Variants in SPAG16 observed in about 807,000 individuals in gnomAD.
SPAG16 encodes sperm associated antigen 16.
In SPAG16, 86 loss-of-function variants were observed where a neutral mutation model predicts 80.4. The ratio of observed to expected loss-of-function variants is 1.07; its 90% CI spans 0.90 to 1.28. SPAG16 has a LOEUF of 1.28. SPAG16 is among the 50% of genes most tolerant of loss of function. The probability of loss-of-function intolerance (pLI) is 0.00; values close to 1 mark genes in which losing one functional copy is unlikely to be tolerated. For missense variants in SPAG16, 870 were observed against 765.3 expected, an observed-to-expected ratio of 1.14 and a Z score of -1.61; for synonymous variants, 294 against 265.9, an observed-to-expected ratio of 1.11 and a Z score of -1.03.
intron 7 of SPAG16, among the ~76,000 whole-genome samples, chr2:213,361,164 A>G (rs1442938392): frequency 6.6e-6 from 1 of 152,104 alleles, no homozygotes. Context: ...CAGTGAATCA[A>G]CATTTATTTA....
chr2:214,327,537 T>C (rs1368172211), intron 15 of SPAG16, among the ~76,000 whole-genome samples: 1 of 152,242 alleles, frequency 6.6e-6, no homozygotes, highest in East Asian at 1.9e-4. Flanking sequence ...GTTGAGTGTA[T>C]TTATTCAAAC....
intron 15 of SPAG16, among the ~76,000 whole-genome samples, chr2:214,287,048 T>C (rs1693418655): frequency 1.3e-5 from 2 of 152,220 alleles, no homozygotes; most frequent in Admixed American, 1.3e-4. Context: ...TATTTACATA[T>C]TTATTTTGGT....
At chr2:214,176,098 A>G (rs2057069514) in intron 15 of SPAG16, among the ~76,000 whole-genome samples, 1 of 151,458 alleles carries the variant, frequency 6.6e-6, no homozygotes, top group South Asian at 2.1e-4. Flanking sequence ...TTCATCTTTT[A>G]ATGTATGGAT....
At chr2:214,172,463 G>A (rs983570121) in intron 15 of SPAG16, among the ~76,000 whole-genome samples, 8 of 152,202 alleles carry the variant, frequency 5.3e-5, no homozygotes, top group South Asian at 4.1e-4. Flanking sequence ...GTATTCCATG[G>A]TGTATATGTG....
At chr2:214,232,903 A>T (rs1688799583) in intron 15 of SPAG16, among the ~76,000 whole-genome samples, 1 of 152,058 alleles carries the variant, frequency 6.6e-6, no homozygotes, top group East Asian at 1.9e-4. Context: ...CCAAATGTCA[A>T]TCCAAGTTAG....
intron 15 of SPAG16, among the ~76,000 whole-genome samples, chr2:214,170,584 G>C (rs1260835784): frequency 6.6e-6 from 1 of 152,014 alleles, no homozygotes; most frequent in Non-Finnish European, 1.5e-5. Context: ...ATAAAACCTT[G>C]TGATTTAGGA....
intron 13 of SPAG16, among the ~76,000 whole-genome samples, chr2:214,090,369 C>CA (rs1323770863): frequency 6.6e-6 from 1 of 151,820 alleles, no homozygotes; most frequent in Non-Finnish European, 1.5e-5. Flanking sequence ...AGAAGCTCAA[C>CA]AAGTCTTTCA....
At chr2:213,675,300 A>G (rs927224517) in intron 10 of SPAG16, among the ~76,000 whole-genome samples, 2 of 151,960 alleles carry the variant, frequency 1.3e-5, no homozygotes, top group East Asian at 3.9e-4. Context: ...TTGTCAGATG[A>G]GTAGGTTGTG....
intron 12 of SPAG16, among the ~76,000 whole-genome samples, chr2:213,974,569 A>C (rs534845746): frequency 6.6e-6 from 1 of 152,244 alleles, no homozygotes; most frequent in Admixed American, 6.6e-5. Context: ...ACCATTTAGA[A>C]TCCGCAATAC....
In SPAG16 at chr2:214,267,534, A is replaced by G. The variant is rs79533181; in HGVS notation, c.1720+118268A>G. 7.0e-3 allele frequency among the ~76,000 whole-genome samples: 1,064 copies of G among 151,976 alleles called. 9 individuals carry two copies. The highest frequency in any genetic ancestry group is 0.024 in the African/African-American group (1,017 of 41,538). ...AGCCTTAAATGTAAGACCTGAAACT[A>G]TAAAACTATTAAAAGAGAACATAAT... On this transcript the variant is annotated intron_variant, in intron 15 of 15. Coordinates refer to ENST00000331683, the MANE Select transcript of SPAG16 (RefSeq NM_024532.5).
intron 9 of SPAG16, among the ~76,000 whole-genome samples, chr2:213,412,938 T>C (rs1440575671): frequency 2.0e-5 from 3 of 152,190 alleles, no homozygotes; most frequent in Admixed American, 6.5e-5. Context: ...ATTATTAAAT[T>C]GATAATTTTA....
At chr2:213,619,081 C>T (rs1186718248) in intron 10 of SPAG16, among the ~76,000 whole-genome samples, 3 of 152,084 alleles carry the variant, frequency 2.0e-5, no homozygotes. Context: ...AACGGTAAAG[C>T]AACATGTAAG....
chr2:214,060,400 G>A (rs1215036958), intron 13 of SPAG16, among the ~76,000 whole-genome samples: 1 of 152,084 alleles, frequency 6.6e-6, no homozygotes, highest in East Asian at 1.9e-4. Context: ...AGGATAAAAT[G>A]AAATGCTTTT....
At chr2:213,718,247 T>G (rs953494808) in intron 10 of SPAG16, among the ~76,000 whole-genome samples, 6 of 144,610 alleles carry the variant, frequency 4.1e-5, no homozygotes, top group Admixed American at 4.1e-4. Flanking sequence ...AATAAACAAA[T>G]GAAAAAAGCT....
chr2:213,493,658 C>G (rs2074359585), intron 10 of SPAG16, among the ~76,000 whole-genome samples: 1 of 151,718 alleles, frequency 6.6e-6, no homozygotes, highest in Non-Finnish European at 1.5e-5. Flanking sequence ...TCACTGCAGA[C>G]TCCGATTCCC....
At chr2:213,318,855 A>G (rs983188349) in intron 5 of SPAG16, among the ~76,000 whole-genome samples, 1 of 151,916 alleles carries the variant, frequency 6.6e-6, no homozygotes, top group Non-Finnish European at 1.5e-5. Context: ...TTATGAAAAT[A>G]AATTTTCTTC....
chr2:213,749,467 A>G (rs1374589700), intron 10 of SPAG16, among the ~76,000 whole-genome samples: 1 of 152,160 alleles, frequency 6.6e-6, no homozygotes, highest in Admixed American at 6.5e-5. Flanking sequence ...GGATCTTGTA[A>G]GGGTGACGTG....
chr2:214,153,173 C>A (rs1005961356), intron 15 of SPAG16, among the ~76,000 whole-genome samples: 1 of 151,952 alleles, frequency 6.6e-6, no homozygotes, highest in Non-Finnish European at 1.5e-5. Context: ...GACCACGGTC[C>A]GCCTGGCAAT....
intron 4 of SPAG16, among the ~76,000 whole-genome samples, chr2:213,315,774 A>G (rs1465750032): frequency 6.6e-6 from 1 of 151,800 alleles, no homozygotes; most frequent in African/African-American, 2.4e-5. Flanking sequence ...TCCTGGCAGC[A>G]TTCGTCACTG....
Sources: allele counts gnomAD v4.1 joint callset (sites outside exome capture counted in the v4.1 genomes callset), GRCh38; gene constraint gnomAD v4.1.1; transcripts MANE v1.5; gene names NCBI Gene and HGNC (gene_info 2026-07-23, HGNC 2026-07-21).